The following COL26A1 variants were observed in gnomAD, a reference collection of about 807,000 sequenced individuals.
COL26A1 encodes collagen type XXVI alpha 1 chain.
COL26A1 carries 41 observed loss-of-function variants against 59.3 expected under a neutral mutation model. That is an observed-to-expected ratio of 0.69 (90% CI 0.54 to 0.90). COL26A1 has a LOEUF of 0.90. Among genes scored for constraint, COL26A1 ranks in the 40% least tolerant of loss-of-function variants. COL26A1 has a pLI of 0.00. For synonymous variants in COL26A1, 266 were observed against 256.0 expected, an observed-to-expected ratio of 1.04 and a Z score of -0.37; for missense variants, 612 against 602.3, an observed-to-expected ratio of 1.02 and a Z score of -0.17.
At chr7:101,390,934 C>G (rs537985398) in intron 1 of COL26A1, among the ~76,000 whole-genome samples, 1 of 152,326 alleles carries the variant, frequency 6.6e-6, no homozygotes, top group South Asian at 2.1e-4. Flanking sequence ...TTGCTCCTCT[C>G]TCCTCCCACT....
intron 3 of COL26A1, among the ~76,000 whole-genome samples, chr7:101,464,203 T>G (rs911992472): frequency 6.6e-6 from 1 of 151,890 alleles, no homozygotes; most frequent in Non-Finnish European, 1.5e-5. Context: ...TGGCCTCAAG[T>G]GATCCTCCCA....
At chr7:101,503,241 C>T (rs1249107092) in intron 3 of COL26A1, among the ~76,000 whole-genome samples, 3 of 152,144 alleles carry the variant, frequency 2.0e-5, no homozygotes, top group Non-Finnish European at 2.9e-5. Context: ...GACAACAGGA[C>T]GGTCACCACC....
At chr7:101,436,058 A>G (rs1695134347) in intron 2 of COL26A1, among the ~76,000 whole-genome samples, 1 of 152,104 alleles carries the variant, frequency 6.6e-6, no homozygotes, top group Non-Finnish European at 1.5e-5. Context: ...GAAGCTCACC[A>G]TGGCTGCCCA....
At position 101,403,304 on chromosome 7, in the gene COL26A1, C is replaced by T. The variant is rs190379546; in HGVS notation, c.159-16673C>T. Among the ~76,000 whole-genome samples the T allele has an allele frequency of 5.1e-3, 775 of 152,252 alleles. 3 individuals carry two copies. The highest frequency in any genetic ancestry group is 8.2e-3 in the Non-Finnish European group (558 of 68,026). On this transcript the variant is annotated intron_variant, in intron 1 of 12. Coordinates refer to ENST00000313669, the MANE Select transcript of COL26A1 (RefSeq NM_001278563.3). ...GGGCCTTCTTGTGTGTCCCCTCCTT[C>T]ATGGGGGAGCATTCCTCCCCCTGAA... is the stretch of plus-strand genomic sequence containing the variant.
At position 101,475,628 on chromosome 7, in the gene COL26A1, C is replaced by T. The variant is rs554610115; in HGVS notation, c.385+27841C>T. ...AGTGTGTGTGTTCGATGTGTGTGTG[C>T]GTATATTGTGGGCCTGGTGTGTTTC... On this transcript the variant is annotated intron_variant, in intron 3 of 12. Coordinates refer to ENST00000313669, the MANE Select transcript of COL26A1 (RefSeq NM_001278563.3). Among the ~76,000 whole-genome samples the T allele has an allele frequency of 3.3e-5, 5 of 151,582 alleles. No individual in the cohort carries two copies. In the East Asian group the frequency reaches 5.9e-4, roughly 18 times the overall value.
chr7:101,427,267 T>C (rs545629816), intron 2 of COL26A1, among the ~76,000 whole-genome samples: 1 of 152,338 alleles, frequency 6.6e-6, no homozygotes, highest in Non-Finnish European at 1.5e-5. Context: ...CTTGCTTTGT[T>C]GTCCAGGCTG....
At chr7:101,473,608 CCACACACACACACACACA>C (rs150820078) in intron 3 of COL26A1, among the ~76,000 whole-genome samples, 34,131 of 143,376 alleles carry the variant, frequency 0.24, 4,587 homozygotes, top group Non-Finnish European at 0.32. Context: ...CACCTTGTCT[CCACACACACACACACACA>C]CACACACACA....
intron 3 of COL26A1, among the ~76,000 whole-genome samples, chr7:101,504,484 T>G (rs955300846): frequency 6.6e-6 from 1 of 152,110 alleles, no homozygotes; most frequent in Non-Finnish European, 1.5e-5. Flanking sequence ...CTGTCTATGC[T>G]CGCCTGATTC....
chr7:101,466,837 TGAGAGA>T (rs1554416674), intron 3 of COL26A1, among the ~76,000 whole-genome samples: 2 of 122,638 alleles, frequency 1.6e-5, no homozygotes, highest in African/African-American at 6.4e-5. Context: ...TGTGTGTGTG[TGAGAGA>T]GAGAGATTCA....
At chr7:101,389,130 G>C in intron 1 of COL26A1, 1 of 157,892 alleles carries the variant, frequency 6.3e-6, no homozygotes, top group South Asian at 1.8e-4. Flanking sequence ...ATGGGAAAGA[G>C]CGGGTTTTGA....
intron 4 of COL26A1, among the ~76,000 whole-genome samples, chr7:101,537,297 G>A (rs1224758018): frequency 6.6e-6 from 1 of 152,112 alleles, no homozygotes; most frequent in East Asian, 1.9e-4. Flanking sequence ...CTCCTGCCCC[G>A]GGCTTTACTC....
At chr7:101,454,589 A>G (rs1269476846) in intron 3 of COL26A1, among the ~76,000 whole-genome samples, 4 of 152,020 alleles carry the variant, frequency 2.6e-5, no homozygotes, top group Admixed American at 2.0e-4. Context: ...GTTTAGTACC[A>G]TAGTTTTTGC....
intron 2 of COL26A1, among the ~76,000 whole-genome samples, chr7:101,431,511 G>A (rs6963537): frequency 0.73 from 110,702 of 151,948 alleles, 41,287 homozygotes; most frequent in African/African-American, 0.9. Flanking sequence ...TTCCTGCTTT[G>A]GCCTCCCAAA....
chr7:101,507,459 T>C (rs1794835432), intron 3 of COL26A1, among the ~76,000 whole-genome samples: 1 of 151,498 alleles, frequency 6.6e-6, no homozygotes, highest in African/African-American at 2.4e-5. Flanking sequence ...TCTTACCCTG[T>C]TGCCCTGGCT....
intron 2 of COL26A1, among the ~76,000 whole-genome samples, chr7:101,424,567 C>T (rs934674029): frequency 1.1e-4 from 17 of 152,194 alleles, no homozygotes; most frequent in African/African-American, 4.1e-4. Flanking sequence ...TGCTGTACTC[C>T]AGCCTGGGTG....
At chr7:101,542,215 C>T (rs1352905395) in intron 5 of COL26A1, among the ~76,000 whole-genome samples, 1 of 152,150 alleles carries the variant, frequency 6.6e-6, no homozygotes, top group Non-Finnish European at 1.5e-5. Context: ...GATCTGCCCT[C>T]CTTGGCCTCC....
intron 1 of COL26A1, among the ~76,000 whole-genome samples, chr7:101,370,253 A>G (rs1263271953): frequency 1.3e-5 from 2 of 152,090 alleles, no homozygotes; most frequent in African/African-American, 4.8e-5. Flanking sequence ...AGTCCTGGCC[A>G]CCCCTAACCT....
At chr7:101,388,260 G>A (rs1791640150) in intron 1 of COL26A1, among the ~76,000 whole-genome samples, 1 of 151,666 alleles carries the variant, frequency 6.6e-6, no homozygotes, top group East Asian at 2.0e-4. Flanking sequence ...ATCACCTGAG[G>A]TCAGGAGTTC....
At chr7:101,504,453 GAC>G (rs770040425) in intron 3 of COL26A1, among the ~76,000 whole-genome samples, 1 of 152,092 alleles carries the variant, frequency 6.6e-6, no homozygotes, top group Non-Finnish European at 1.5e-5. Flanking sequence ...TGGGATTAGG[GAC>G]CAGGGCCAAC....
Sources: gnomAD v4.1 joint callset for allele counts (sites outside exome capture counted in the v4.1 genomes callset) on GRCh38, gnomAD v4.1.1 for gene constraint, MANE v1.5 for transcripts, NCBI Gene and HGNC (gene_info 2026-07-23, HGNC 2026-07-21) for gene names.